The following JAZF1 variants were observed in gnomAD, a reference collection of about 807,000 sequenced individuals.
JAZF1 encodes the protein JAZF zinc finger 1, also known as juxtaposed with another zinc finger protein 1.
Under a neutral mutation model 26.4 loss-of-function variants are expected in JAZF1, and 8 were observed. That is an observed-to-expected ratio of 0.30 (90% CI 0.18 to 0.55). The LOEUF is 0.55. Ranked by LOEUF, JAZF1 falls within the 20% of genes least tolerant of loss-of-function variation. JAZF1 has a pLI of 0.94. For synonymous variants in JAZF1, 126 were observed against 122.3 expected (o/e 1.03, Z -0.20); for missense variants, 199 against 322.0 (o/e 0.62, Z 2.92).
At chr7:28,034,032 C>T (rs1339877155) in intron 1 of JAZF1, among the ~76,000 whole-genome samples, 1 of 152,140 alleles carries the variant, frequency 6.6e-6, no homozygotes, top group Non-Finnish European at 1.5e-5. Flanking sequence ...CATGAATCAT[C>T]ACACCCAGCT....
intron 2 of JAZF1, among the ~76,000 whole-genome samples, chr7:27,915,668 A>G (rs1784435682): frequency 6.6e-6 from 1 of 152,236 alleles, no homozygotes; most frequent in African/African-American, 2.4e-5. Flanking sequence ...ACAAGCCATT[A>G]ATTTAACAAC....
At chr7:27,934,716 T>C (rs897196006) in intron 2 of JAZF1, among the ~76,000 whole-genome samples, 22 of 152,098 alleles carry the variant, frequency 1.4e-4, no homozygotes, top group Admixed American at 1.4e-3. Flanking sequence ...CAGACCTAAA[T>C]GTAAATGTAA....
chr7:27,927,231 C>T (rs1010572033), intron 2 of JAZF1, among the ~76,000 whole-genome samples: 1 of 152,202 alleles, frequency 6.6e-6, no homozygotes, highest in East Asian at 1.9e-4. Flanking sequence ...CTCTCGTGCT[C>T]AGCTGGGAGT....
intron 1 of JAZF1, among the ~76,000 whole-genome samples, chr7:28,072,953 A>G (rs1173476678): frequency 1.3e-5 from 2 of 152,244 alleles, no homozygotes; most frequent in Non-Finnish European, 2.9e-5. Context: ...AGAAAAGTAC[A>G]AAGACAACCT....
At chr7:27,950,896 G>C (rs7797193) in intron 2 of JAZF1, among the ~76,000 whole-genome samples, 2 of 151,782 alleles carry the variant, frequency 1.3e-5, no homozygotes, top group East Asian at 3.9e-4. Flanking sequence ...CAGATGGCTC[G>C]AACAACCTGA....
At chr7:27,950,540 A>G (rs920015166) in intron 2 of JAZF1, among the ~76,000 whole-genome samples, 4 of 152,212 alleles carry the variant, frequency 2.6e-5, no homozygotes, top group African/African-American at 9.6e-5. Flanking sequence ...GTAGGCGTAC[A>G]CTTTACCAAA....
intron 1 of JAZF1, among the ~76,000 whole-genome samples, chr7:28,118,722 G>A (rs114834257): frequency 0.011 from 1,726 of 151,672 alleles, 34 homozygotes; most frequent in African/African-American, 0.039. Flanking sequence ...ATTTGAGGTT[G>A]TAAGATTAGT....
chr7:28,060,482 A>T (rs1045966407), intron 1 of JAZF1, among the ~76,000 whole-genome samples: 4 of 152,234 alleles, frequency 2.6e-5, no homozygotes, highest in African/African-American at 9.6e-5. Flanking sequence ...AGCTGACAAG[A>T]GCAACTACCA....
At chr7:27,894,935 G>C (rs529590208) in intron 3 of JAZF1, among the ~76,000 whole-genome samples, 11 of 152,196 alleles carry the variant, frequency 7.2e-5, no homozygotes, top group African/African-American at 2.7e-4. Context: ...GTATTACAGA[G>C]CCCATTAAAA....
chr7:28,146,035 C>T (rs1387806616), intron 1 of JAZF1, among the ~76,000 whole-genome samples: 1 of 152,114 alleles, frequency 6.6e-6, no homozygotes, highest in Non-Finnish European at 1.5e-5. Context: ...TAAGATAAGC[C>T]CCATGCTACT....
At chr7:28,111,949 A>G (rs1236547551) in intron 1 of JAZF1, among the ~76,000 whole-genome samples, 2 of 152,242 alleles carry the variant, frequency 1.3e-5, no homozygotes, top group Non-Finnish European at 2.9e-5. Flanking sequence ...TGCCTGACCT[A>G]GAATTGTGTA....
intron 1 of JAZF1, among the ~76,000 whole-genome samples, chr7:28,068,631 C>T (rs1232327408): frequency 2.0e-5 from 3 of 151,922 alleles, no homozygotes; most frequent in Admixed American, 6.6e-5. Flanking sequence ...GAGAGGTTTA[C>T]ATTATAGGTT....
intron 3 of JAZF1, among the ~76,000 whole-genome samples, chr7:27,854,375 G>A (rs1033173828): frequency 7.9e-5 from 12 of 152,192 alleles, no homozygotes; most frequent in African/African-American, 2.9e-4. Flanking sequence ...TGCATTTAAG[G>A]TTAATATTGT....
chr7:27,895,303 G>C lies in JAZF1; in HGVS notation c.302C>G (p.Pro101Arg), dbSNP rs754765941. Residue 101 changes from proline to arginine, a missense_variant, in exon 3 of 5, where the codon CCA becomes CGA. Physicochemically the swap from Pro to Arg is moderately radical, Grantham distance 103 (BLOSUM62 -2). This residue lies in a region of JAZF1 where 137 missense variants were observed against 184.8 expected (regional missense o/e 0.74). Transcript: ENST00000283928. Reference sequence around the variant, plus strand: ...AGTAAGGCTTCCACTGCTGTGGCGTGGGGGAGTGGACACATTCCCTCGAGA... The same window carrying C: ...AGTAAGGCTTCCACTGCTGTGGCGTCGGGGAGTGGACACATTCCCTCGAGA... ...SVSRGNVSTP[P>R]RHSSGSLTPP... The C allele has an allele frequency of 1.2e-6, 2 of 1,608,834 alleles. No individual in the cohort carries two copies. Among genetic ancestry groups the C allele is most frequent in the African/African-American group, 1.3e-5 (1 of 74,844 alleles).
chr7:28,022,318 T>C (rs1027963973), intron 1 of JAZF1, among the ~76,000 whole-genome samples: 1 of 152,206 alleles, frequency 6.6e-6, no homozygotes, highest in African/African-American at 2.4e-5. Flanking sequence ...TTAACTGCTT[T>C]TCCAGAAAAA....
At chr7:28,151,109 ATAT>A (rs1304671741) in intron 1 of JAZF1, among the ~76,000 whole-genome samples, 1,481 of 54,722 alleles carry the variant, frequency 0.027, 10 homozygotes, top group East Asian at 0.17. Flanking sequence ...ATATATATAT[ATAT>A]TTTTTTTTTG....
chr7:27,970,379 G>C (rs1785354808), intron 2 of JAZF1, among the ~76,000 whole-genome samples: 1 of 152,080 alleles, frequency 6.6e-6, no homozygotes, highest in Non-Finnish European at 1.5e-5. Flanking sequence ...CTTAACCTGA[G>C]GTCTGTGGAC....
intron 2 of JAZF1, among the ~76,000 whole-genome samples, chr7:27,975,613 C>T (rs796116851): frequency 5.3e-5 from 8 of 152,246 alleles, no homozygotes; most frequent in African/African-American, 1.7e-4. Flanking sequence ...TGACAAAGTC[C>T]AGGAAAAGGC....
At chr7:28,033,149 G>C (rs1783221766) in intron 1 of JAZF1, among the ~76,000 whole-genome samples, 5 of 152,104 alleles carry the variant, frequency 3.3e-5, no homozygotes, top group Admixed American at 2.0e-4. Flanking sequence ...ACAAAGCAAA[G>C]TGCCTGGTAC....
Sources: gnomAD v4.1 joint callset for allele counts (sites outside exome capture counted in the v4.1 genomes callset) on GRCh38, gnomAD v4.1.1 for gene constraint, gnomAD v4.1.1 regional missense constraint, MANE v1.5 for transcripts, NCBI Gene and HGNC (gene_info 2026-07-23, HGNC 2026-07-21) for gene names.